SH3TC1: variants seen among roughly 807,000 people sequenced by gnomAD.
SH3TC1 encodes SH3 domain and tetratricopeptide repeats 1.
In SH3TC1, 135 loss-of-function variants were observed where a neutral mutation model predicts 117.3. The ratio of observed to expected loss-of-function variants is 1.15; its 90% CI spans 1.00 to 1.33. The LOEUF (loss-of-function observed/expected upper bound fraction) is 1.33. Among genes scored for constraint, SH3TC1 ranks in the 40% most tolerant of loss-of-function variants. The pLI is 0.00. For synonymous variants in SH3TC1, 898 were observed against 816.9 expected, an observed-to-expected ratio of 1.10 and a Z score of -1.69; for missense variants, 2,092 against 1,794.3, an observed-to-expected ratio of 1.17 and a Z score of -3.00.
In SH3TC1 at chr4:8,218,327, T is replaced by A. The variant is rs1307911650; in HGVS notation, c.896T>A (p.Met299Lys). 13 of 1,611,464 alleles carry A rather than the reference T, an allele frequency of 8.1e-6. No individual in the cohort carries two copies. The highest frequency in any genetic ancestry group is 1.1e-5 in the Non-Finnish European group (13 of 1,178,000). ...PIDDAMGGPV[M>K]PGNPLMAVGL... ...GACGATGCCATGGGTGGCCCTGTGA[T>A]GCCCGGCAACCCGCTGATGGGTAAG... The change falls in exon 8 of 18, where the codon ATG becomes AAG. Residue 299 changes from methionine (M) to lysine (K), a missense_variant. By Grantham distance (95) the Met-to-Lys change is moderately conservative. Coordinates refer to ENST00000245105, the MANE Select transcript of SH3TC1 (RefSeq NM_018986.5).
intron 9 of SH3TC1, 111 bp downstream of exon 9, chr4:8,219,641 C>G: frequency 8.4e-7 from 1 of 1,188,306 alleles, no homozygotes; most frequent in African/African-American, 1.6e-5. Context: ...TCACTGTGGA[C>G]GATGCCTAGT....
At chr4:8,196,774 C>A (rs1300352377), upstream of SH3TC1, among the ~76,000 whole-genome samples, 1 of 152,002 alleles carries the variant, frequency 6.6e-6, no homozygotes, top group Non-Finnish European at 1.5e-5. This position sits in a 1 kb window ranked among gnomAD's most constrained non-coding sequence, Gnocchi z 4.6. Context: ...GGGTGGGGTG[C>A]TGAGGGCTGG....
At chr4:8,215,792 C>T (rs567602415) in intron 5 of SH3TC1, among the ~76,000 whole-genome samples, 5 of 152,344 alleles carry the variant, frequency 3.3e-5, no homozygotes, top group African/African-American at 7.2e-5. Context: ...GCCCATACCC[C>T]CTGCGGCCTG....
chr4:8,185,849 G>C (rs1010100324), intron 1 of SH3TC1, among the ~76,000 whole-genome samples: 7 of 152,222 alleles, frequency 4.6e-5, no homozygotes, highest in African/African-American at 1.7e-4. Context: ...CAAAGGGTCA[G>C]CACAGTCGTG....
At chr4:8,200,312 T>A (rs1254397766) in intron 1 of SH3TC1, among the ~76,000 whole-genome samples, 1 of 151,882 alleles carries the variant, frequency 6.6e-6, no homozygotes, top group Non-Finnish European at 1.5e-5. Flanking sequence ...TTAGGATGGG[T>A]ATGTGGGGGC....
intron 1 of SH3TC1, among the ~76,000 whole-genome samples, chr4:8,204,587 A>G (rs1414087398): frequency 1.3e-5 from 2 of 152,146 alleles, no homozygotes; most frequent in African/African-American, 4.8e-5. Context: ...TGTGCTTGCC[A>G]TCCTCCTCTC....
intron 1 of SH3TC1, among the ~76,000 whole-genome samples, chr4:8,191,962 T>C (rs775237345): frequency 2.6e-3 from 4 of 1,528 alleles, no homozygotes; most frequent in Non-Finnish European, 0.056. Flanking sequence ...GAGTTACATT[T>C]ATTTATTTAT....
In SH3TC1 at chr4:8,228,566, C is replaced by T. The variant is rs773174939; in HGVS notation, c.2872C>T (p.Arg958Cys). ...CCTGCAGCTGGGCCATCTCTGCACC[C>T]GCCAGGGCCCGGCCCAGCAGGGCAA... ...VLLQLGHLCT[R>C]QGPAQQGKGY... Residue 958 changes from arginine (R) to cysteine (C), a missense_variant, in exon 12 of 18, where the codon CGC becomes TGC. Physicochemically the swap from Arg to Cys is radical, Grantham distance 180. Transcript: ENST00000245105. 1.0e-5 allele frequency: 16 copies of T among 1,599,382 alleles called. 1 individual carries two copies. The highest frequency in any genetic ancestry group is 4.5e-5 in the South Asian group (4 of 88,606).
Position 8,218,288 on chromosome 4 carries a change from C to G in SH3TC1, c.857C>G (p.Pro286Arg), listed in dbSNP as rs1719508825. 2 of 1,612,282 alleles carry G rather than the reference C, an allele frequency of 1.2e-6. No homozygotes were observed. Among genetic ancestry groups the G allele is most frequent in the Admixed American group, 3.3e-5 (2 of 59,912 alleles). The change falls in exon 8 of 18, where the codon CCC (proline) becomes CGC (arginine). Residue 286 changes from proline to arginine, a missense_variant. Transcript: ENST00000245105. Reference sequence around the variant, plus strand: ...GGCTCCAGGTGGGCTCTTAGGATCCCCCAGGACCCCATCGACGATGCCATG... The same window carrying G: ...GGCTCCAGGTGGGCTCTTAGGATCCGCCAGGACCCCATCGACGATGCCATG... ...IPFHQWALRI[P>R]QDPIDDAMGG...
At chr4:8,237,409 C>T (rs973589797) in intron 16 of SH3TC1, 65 bp from the exon 17 acceptor site, 35 of 1,326,276 alleles carry the variant, frequency 2.6e-5, no homozygotes, top group African/African-American at 1.2e-4. Flanking sequence ...CAGGTGCTGC[C>T]GGGGTCTGCA....
Position 8,183,276 on chromosome 4 carries a change from T to G in SH3TC1, c.-57+1066T>G, listed in dbSNP as rs1242377430. ...TACAGAGGAAGGCCGGCGCTCAAGG[T>G]GGCAGGACTGGCTGAGGACCACGGC... On this transcript the variant is annotated intron_variant, in intron 1 of 16. Transcript: ENST00000508641. This position sits in a 1 kb window ranked among gnomAD's most constrained non-coding sequence, Gnocchi z 5.4. Among the ~76,000 whole-genome samples, 1 of 152,218 alleles carries G rather than the reference T, an allele frequency of 6.6e-6. No individual in the cohort carries two copies. Among genetic ancestry groups the G allele is most frequent in the Non-Finnish European group, 1.5e-5 (1 of 68,034 alleles).
chr4:8,201,282 G>A (rs535259671), intron 1 of SH3TC1: 1 of 152,254 alleles, frequency 6.6e-6, no homozygotes, highest in Non-Finnish European at 1.5e-5. Flanking sequence ...CGACCCACTT[G>A]TGCGGTGTGC....
In SH3TC1 at chr4:8,183,567, C is replaced by G. The variant is rs1247360653; in HGVS notation, c.-57+1357C>G. Among the ~76,000 whole-genome samples, 2 of 152,234 alleles carry G rather than the reference C, an allele frequency of 1.3e-5. No individual in the cohort carries two copies. Among genetic ancestry groups the G allele is most frequent in the Non-Finnish European group, 2.9e-5 (2 of 68,050 alleles). ...CTTTGGGCCTTAAAAGTTCATCAAA[C>G]TTGTTCCACCCTACAGGGACTTTTT... is the stretch of plus-strand genomic sequence containing the variant. On this transcript the variant is annotated intron_variant, in intron 1 of 16. Coordinates refer to the SH3TC1 transcript ENST00000508641. This position sits in a 1 kb window ranked among gnomAD's most constrained non-coding sequence, Gnocchi z 5.4.
intron 2 of SH3TC1, among the ~76,000 whole-genome samples, chr4:8,208,084 C>T (rs970397664): frequency 6.6e-6 from 1 of 152,218 alleles, no homozygotes; most frequent in Non-Finnish European, 1.5e-5. Flanking sequence ...CCTCCCTCTA[C>T]CATCCTCCAC....
intron 14 of SH3TC1, among the ~76,000 whole-genome samples, chr4:8,234,150 ATCCATCCATCCT>A (rs1283384184): frequency 7.1e-5 from 5 of 70,352 alleles, no homozygotes; most frequent in African/African-American, 7.7e-5. Flanking sequence ...CCATTCATCC[ATCCATCCATCCT>A]TCCATCATCC....
chr4:8,231,999 C>T lies in SH3TC1; in HGVS notation c.2974C>T (p.Leu992=), dbSNP rs746459117. Residue 992 remains leucine (L), a synonymous_variant, in exon 13 of 18, where the codon CTG becomes TTG. Coordinates refer to ENST00000245105, the MANE Select transcript of SH3TC1 (RefSeq NM_018986.5). The stretch of plus-strand genomic sequence containing the variant: ...AGGCCAGCTGCGGGCCGTCCAGCGG[C>T]TGTGCCACTTCTACAGCGCCGTCAT... The part of the protein sequence containing the change: ...VESQLRAVQR[L]CHFYSAVMPS... The T allele has an allele frequency of 1.2e-5, 19 of 1,612,214 alleles. No homozygotes were observed. The highest frequency in any genetic ancestry group is 1.6e-5 in the Non-Finnish European group (19 of 1,180,008).
In SH3TC1 at chr4:8,217,861, T is replaced by G. The variant is rs138116994; in HGVS notation, c.840-410T>G. Among the ~76,000 whole-genome samples, 293 of 152,056 alleles carry G rather than the reference T, an allele frequency of 1.9e-3. 1 individual carries two copies. The highest frequency in any genetic ancestry group is 6.6e-3 in the African/African-American group (274 of 41,458). ...GAAGGAACTGAGGCTGAGAGAGGAG[T>G]GATCTGTCCAGGTTATATGGCAAAG... On this transcript the variant is annotated intron_variant, in intron 7 of 17. Transcript: ENST00000245105.
At chr4:8,224,364 G>T (rs1327629289) in intron 10 of SH3TC1, among the ~76,000 whole-genome samples, 2 of 152,148 alleles carry the variant, frequency 1.3e-5, no homozygotes, top group Non-Finnish European at 2.9e-5. Flanking sequence ...GCATATCAAG[G>T]CTCAGACCCC....
In SH3TC1 at chr4:8,233,501, C is replaced by T. The variant is rs1193446492; in HGVS notation, c.3270C>T (p.Asp1090=). 1.2e-6 allele frequency: 2 copies of T among 1,610,368 alleles called. No individual in the cohort carries two copies. Among genetic ancestry groups the T allele is most frequent in the Non-Finnish European group, 8.5e-7 (1 of 1,178,280 alleles). ...TCTTGCGGCAGAGCGAGCTGGTGGA[C>T]CTCTACATCCAGGTGAGTGATGAGG... The part of the protein sequence containing the change: ...YYILRQSELV[D]LYIQVAQNVA... The change falls in exon 14 of 18, where the codon GAC becomes GAT. Residue 1090 remains aspartate, a synonymous_variant. Coordinates refer to ENST00000245105, the MANE Select transcript of SH3TC1 (RefSeq NM_018986.5).
Sources: allele counts gnomAD v4.1 joint callset (sites outside exome capture counted in the v4.1 genomes callset), GRCh38; gene constraint gnomAD v4.1.1; non-coding constraint Gnocchi (gnomAD v3.1); transcripts MANE v1.5; gene names NCBI Gene and HGNC (gene_info 2026-07-23, HGNC 2026-07-21).